Variants in GLRA3 observed in about 807,000 individuals in gnomAD.
The protein encoded by GLRA3 is glycine receptor subunit alpha-3.
A neutral mutation model predicts 60.4 loss-of-function variants in GLRA3; 44 were observed. That is an observed-to-expected ratio of 0.73 (90% CI 0.57 to 0.94). GLRA3 has a LOEUF of 0.94. Among genes scored for constraint, GLRA3 ranks in the 40% least tolerant of loss-of-function variants. The probability of loss-of-function intolerance (pLI) is 0.00; values close to 1 mark genes in which losing one functional copy is unlikely to be tolerated. For missense variants in GLRA3, 508 were observed against 564.6 expected, an observed-to-expected ratio of 0.90 and a Z score of 1.02; for synonymous variants, 223 against 192.9, an observed-to-expected ratio of 1.16 and a Z score of -1.29.
At chr4:174,775,270 G>A (rs2111259007) in intron 2 of GLRA3, among the ~76,000 whole-genome samples, 1 of 152,004 alleles carries the variant, frequency 6.6e-6, no homozygotes, top group Non-Finnish European at 1.5e-5. Flanking sequence ...AGTAAAAATG[G>A]GTAAAGGAGA....
At chr4:174,717,586 G>A (rs1735975181) in intron 4 of GLRA3, among the ~76,000 whole-genome samples, 1 of 152,152 alleles carries the variant, frequency 6.6e-6, no homozygotes. Context: ...GAGAGACAGT[G>A]AAGCTGCTGA....
At chr4:174,789,700 C>T (rs1348038325) in intron 1 of GLRA3, among the ~76,000 whole-genome samples, 1 of 152,178 alleles carries the variant, frequency 6.6e-6, no homozygotes, top group Non-Finnish European at 1.5e-5. Context: ...CTTCTCCTGT[C>T]CAGCTCTTCA....
At chr4:174,813,503 G>C (rs1312780130) in intron 1 of GLRA3, among the ~76,000 whole-genome samples, 1 of 152,128 alleles carries the variant, frequency 6.6e-6, no homozygotes, top group Non-Finnish European at 1.5e-5. Flanking sequence ...ACACAGACTT[G>C]GCTCTATTCT....
intron 1 of GLRA3, among the ~76,000 whole-genome samples, chr4:174,801,909 A>G (rs1238597578): frequency 1.3e-5 from 2 of 152,044 alleles, no homozygotes; most frequent in South Asian, 2.1e-4. Flanking sequence ...GTATATGTCT[A>G]TCTGCCTCCT....
intron 3 of GLRA3, among the ~76,000 whole-genome samples, chr4:174,731,042 T>C (rs957526791): frequency 6.6e-6 from 1 of 152,198 alleles, no homozygotes; most frequent in Non-Finnish European, 1.5e-5. Flanking sequence ...AATATGTTAA[T>C]TAGCTTGATT....
chr4:174,767,514 T>C (rs1462070102), intron 2 of GLRA3, among the ~76,000 whole-genome samples: 3 of 152,050 alleles, frequency 2.0e-5, no homozygotes, highest in Non-Finnish European at 4.4e-5. Context: ...TTTCTTGCAG[T>C]TGTTGTTTGT....
At chr4:174,801,595 TATC>T (rs1322051147) in intron 1 of GLRA3, among the ~76,000 whole-genome samples, 1 of 152,076 alleles carries the variant, frequency 6.6e-6, no homozygotes. Flanking sequence ...AACTTTTACA[TATC>T]ATATCCATCC....
chr4:174,697,803 C>T lies in GLRA3; in HGVS notation c.575-14864G>A, dbSNP rs73867675. Among the ~76,000 whole-genome samples, 627 of 152,218 alleles carry T rather than the reference C, an allele frequency of 4.1e-3. 6 individuals are homozygous for T. The highest frequency in any genetic ancestry group is 0.015 in the African/African-American group (607 of 41,530). On this transcript the variant is annotated intron_variant, in intron 5 of 9. Transcript: ENST00000274093. ...ATTTCTCAAAACTTCACAAAATTGCCACACTTTGAACACACAAAGTTTAAA... is the reference window on the plus strand; with the variant it reads ...ATTTCTCAAAACTTCACAAAATTGCTACACTTTGAACACACAAAGTTTAAA...
chr4:174,773,602 C>G (rs1738481030), intron 2 of GLRA3, among the ~76,000 whole-genome samples: 1 of 152,092 alleles, frequency 6.6e-6, no homozygotes, highest in Non-Finnish European at 1.5e-5. Flanking sequence ...CAACTAGAGA[C>G]TTGTTTTATT....
chr4:174,691,855 C>T lies in GLRA3; in HGVS notation c.575-8916G>A, dbSNP rs1442967168. Among the ~76,000 whole-genome samples the T allele has an allele frequency of 2.6e-5, 4 of 151,518 alleles. No homozygotes were observed. The East Asian group carries it at 5.9e-4, about 22-fold the overall frequency. On this transcript the variant is annotated intron_variant, in intron 5 of 9. Transcript: ENST00000274093. ...GGAGCGTCTCTGCCTGGCCGCCCAT[C>T]GTCTGGGATGTGAGGAGCCCCTCTG...
At chr4:174,716,739 C>T (rs7656851) in intron 4 of GLRA3, among the ~76,000 whole-genome samples, 1 of 151,848 alleles carries the variant, frequency 6.6e-6, no homozygotes, top group Non-Finnish European at 1.5e-5. Context: ...GCAGTACATG[C>T]GTTAACACAC....
intron 5 of GLRA3, among the ~76,000 whole-genome samples, chr4:174,690,355 T>C (rs1410289237): frequency 6.6e-6 from 1 of 152,174 alleles, no homozygotes; most frequent in African/African-American, 2.4e-5. Flanking sequence ...AGAATAACAT[T>C]TTCACAATAA....
At chr4:174,807,863 G>C (rs1464386699) in intron 1 of GLRA3, among the ~76,000 whole-genome samples, 2 of 152,054 alleles carry the variant, frequency 1.3e-5, no homozygotes, top group African/African-American at 2.4e-5. Flanking sequence ...CTGCATAAAT[G>C]CTCTCCTGGA....
chr4:174,789,738 G>T (rs1739253061), intron 1 of GLRA3, among the ~76,000 whole-genome samples: 1 of 152,192 alleles, frequency 6.6e-6, no homozygotes, highest in Non-Finnish European at 1.5e-5. Context: ...AACAGAAGCT[G>T]GGGCCTGCTT....
chr4:174,716,245 C>A (rs921131461), intron 4 of GLRA3, among the ~76,000 whole-genome samples: 6 of 152,120 alleles, frequency 3.9e-5, no homozygotes, highest in Non-Finnish European at 8.8e-5. Flanking sequence ...CAGGAAATAG[C>A]CCTCTAGAAT....
intron 2 of GLRA3, among the ~76,000 whole-genome samples, chr4:174,784,739 A>AC (rs1283728275): frequency 6.6e-6 from 1 of 152,124 alleles, no homozygotes; most frequent in Non-Finnish European, 1.5e-5. Context: ...ACATTTCTAA[A>AC]CCCATATATC....
chr4:174,677,730 T>G (rs571200061), intron 6 of GLRA3, among the ~76,000 whole-genome samples: 5 of 152,248 alleles, frequency 3.3e-5, no homozygotes, highest in Non-Finnish European at 7.4e-5. Context: ...TCGTATTGAT[T>G]CTTGAAAAAA....
In GLRA3 at chr4:174,641,187, A is replaced by C. The variant is rs536736897; in HGVS notation, c.*2599T>G. The stretch of plus-strand genomic sequence containing the variant: ...CATATTTTCTAATGTGGCTATTTTA[A>C]AATACTTCAGAATATGCACATTGGA... On this transcript the variant is annotated 3_prime_UTR_variant, in exon 10 of 10. Coordinates refer to ENST00000274093, the MANE Select transcript of GLRA3 (RefSeq NM_006529.4). The C allele has an allele frequency of 4.6e-5, 7 of 152,226 alleles. No individual in the cohort carries two copies. Among genetic ancestry groups the C allele is most frequent in the African/African-American group, 1.7e-4 (7 of 41,572 alleles). The allele number at this position is 152,226 out of a possible 1,614,324, so 9.4% of individuals were successfully genotyped here. A position where few individuals can be genotyped will look rare whatever the true frequency, so the allele number is the denominator to read the frequency against.
intron 7 of GLRA3, among the ~76,000 whole-genome samples, chr4:174,667,688 T>C (rs758828652): frequency 6.6e-6 from 1 of 152,150 alleles, no homozygotes; most frequent in Non-Finnish European, 1.5e-5. Context: ...GCCAAATTTA[T>C]GTATGAGAAT....
Sources: gnomAD v4.1 joint callset for allele counts (sites outside exome capture counted in the v4.1 genomes callset) on GRCh38, gnomAD v4.1.1 for gene constraint, MANE v1.5 for transcripts, NCBI Gene and HGNC (gene_info 2026-07-23, HGNC 2026-07-21) for gene names.